The following ZNF536 variants were observed in gnomAD, a reference collection of about 807,000 sequenced individuals.
ZNF536 encodes the protein zinc finger protein 536.
ZNF536 carries 13 observed loss-of-function variants against 84.5 expected under a neutral mutation model. The ratio of observed to expected loss-of-function variants is 0.15; its 90% CI spans 0.10 to 0.24. ZNF536 has a LOEUF of 0.24. Among genes scored for constraint, ZNF536 ranks in the 10% least tolerant of loss-of-function variants. ZNF536 has a pLI of 1.00. For missense variants in ZNF536, 1,536 were observed against 1,747.5 expected (o/e 0.88, Z 2.16); for synonymous variants, 811 against 742.5 (o/e 1.09, Z -1.50).
downstream of ZNF536, among the ~76,000 whole-genome samples, chr19:30,561,431 C>T (rs1407330164): frequency 6.6e-6 from 1 of 152,176 alleles, no homozygotes; most frequent in Non-Finnish European, 1.5e-5. Context: ...GTCGTTAGTC[C>T]TCTCAATCCC....
At chr19:30,539,798 C>A (rs554239016) in intron 3 of ZNF536, among the ~76,000 whole-genome samples, 1 of 152,162 alleles carries the variant, frequency 6.6e-6, no homozygotes, top group Non-Finnish European at 1.5e-5. Context: ...GGAGGCGTGA[C>A]CCCCTGGTGG....
At chr19:30,385,109 C>T (rs1000659261) in intron 1 of ZNF536, among the ~76,000 whole-genome samples, 6 of 152,004 alleles carry the variant, frequency 3.9e-5, no homozygotes, top group Non-Finnish European at 8.8e-5. Flanking sequence ...GTCTAACACC[C>T]GGACTTGATG....
chr19:30,638,265 T>C (rs1223019984), intron 1 of ZNF536, among the ~76,000 whole-genome samples: 1 of 152,234 alleles, frequency 6.6e-6, no homozygotes, highest in Non-Finnish European at 1.5e-5. Flanking sequence ...GGTCTTAACA[T>C]CTCACACTGC....
chr19:30,498,233 A>G (rs939702955), intron 2 of ZNF536, among the ~76,000 whole-genome samples: 3 of 152,266 alleles, frequency 2.0e-5, no homozygotes, highest in African/African-American at 7.2e-5. Flanking sequence ...TGTGGCACAT[A>G]TACAGCATGG....
chr19:30,272,667 A>C (rs1376346321), intron 1 of ZNF536, among the ~76,000 whole-genome samples: 1 of 152,160 alleles, frequency 6.6e-6, no homozygotes, highest in African/African-American at 2.4e-5. Context: ...TTCGTATGAC[A>C]TGTAGTCTTT....
chr19:30,648,209 C>G (rs1246229781), intron 1 of ZNF536, among the ~76,000 whole-genome samples: 2 of 152,166 alleles, frequency 1.3e-5, no homozygotes, highest in African/African-American at 4.8e-5. Context: ...GCTGCAGGTG[C>G]CCTGTCAAGG....
intron 2 of ZNF536, among the ~76,000 whole-genome samples, chr19:30,522,910 G>T (rs2145749473): frequency 6.6e-6 from 1 of 152,272 alleles, no homozygotes; most frequent in African/African-American, 2.4e-5. Context: ...CATCTGGAAG[G>T]GAGTTTGGTG....
rs111232052 is a variant in ZNF536 at position 30,234,744 on chromosome 19, TACACACACACAC to T, written c.-190+6090_-190+6101del. Among the ~76,000 whole-genome samples the T allele has an allele frequency of 3.1e-3, 452 of 147,742 alleles. 4 individuals carry two copies. The highest frequency in any genetic ancestry group is 0.011 in the African/African-American group (425 of 39,870). ...GCTTTTTGTTGCTTTATTACTAAAT[TACACACACACAC>T]ACACACACACACACACACGCGCACA... is the stretch of plus-strand genomic sequence containing the variant. On this transcript the variant is annotated intron_variant, in intron 1 of 5. Transcript: ENST00000585628.
chr19:30,566,300 C>G (rs2046343566), intron 1 of ZNF536, among the ~76,000 whole-genome samples: 1 of 152,168 alleles, frequency 6.6e-6, no homozygotes, highest in Admixed American at 6.5e-5. Flanking sequence ...CAAAATATCT[C>G]CATGCCCAAG....
intron 1 of ZNF536, among the ~76,000 whole-genome samples, chr19:30,279,361 G>A (rs957506384): frequency 3.3e-5 from 5 of 152,170 alleles, no homozygotes; most frequent in African/African-American, 1.2e-4. Flanking sequence ...GGTGGATAAT[G>A]GTTGAGTGAG....
At chr19:30,468,229 C>A (rs141627990) in intron 2 of ZNF536, among the ~76,000 whole-genome samples, 1 of 152,218 alleles carries the variant, frequency 6.6e-6, no homozygotes, top group Non-Finnish European at 1.5e-5. Flanking sequence ...CACTCCCCAA[C>A]CCAGCCTAGG....
chr19:30,346,351 T>C (rs544384802), intron 2 of ZNF536, among the ~76,000 whole-genome samples: 118 of 152,368 alleles, frequency 7.7e-4, no homozygotes, highest in Admixed American at 1.5e-3. Flanking sequence ...TTATAACTTT[T>C]GTTTTAAGTT....
chr19:30,230,642 C>T (rs1418881120), intron 1 of ZNF536, among the ~76,000 whole-genome samples: 1 of 152,168 alleles, frequency 6.6e-6, no homozygotes, highest in Non-Finnish European at 1.5e-5. Flanking sequence ...CCACAGTTGC[C>T]CATAGGGTAC....
chr19:30,351,602 A>G (rs1327661278), intron 2 of ZNF536, among the ~76,000 whole-genome samples: 1 of 152,184 alleles, frequency 6.6e-6, no homozygotes, highest in Non-Finnish European at 1.5e-5. Context: ...TAAGAACAAT[A>G]TCTTGAGTGA....
intron 2 of ZNF536, among the ~76,000 whole-genome samples, chr19:30,312,188 G>A (rs936363139): frequency 6.6e-6 from 1 of 152,216 alleles, no homozygotes; most frequent in Non-Finnish European, 1.5e-5. Context: ...CAGGTGGAGA[G>A]AGGCGGTGCA....
At chr19:30,237,201 A>G (rs934361022) in intron 1 of ZNF536, among the ~76,000 whole-genome samples, 3 of 152,148 alleles carry the variant, frequency 2.0e-5, no homozygotes, top group African/African-American at 4.8e-5. Flanking sequence ...TGAAAATCAC[A>G]CAATTTTTGT....
At chr19:30,501,993 T>C (rs1214159120) in intron 2 of ZNF536, among the ~76,000 whole-genome samples, 2 of 152,184 alleles carry the variant, frequency 1.3e-5, no homozygotes, top group Non-Finnish European at 2.9e-5. Context: ...ATACTGAGTA[T>C]TCTGGCAGGG....
At chr19:30,538,058 T>G (rs2045166153) in intron 3 of ZNF536, among the ~76,000 whole-genome samples, 1 of 152,056 alleles carries the variant, frequency 6.6e-6, no homozygotes, top group African/African-American at 2.4e-5. Context: ...AAGTGTAGAT[T>G]ACACAAGTAA....
chr19:30,235,855 T>C (rs1451356075), intron 1 of ZNF536, among the ~76,000 whole-genome samples: 3 of 152,228 alleles, frequency 2.0e-5, no homozygotes, highest in African/African-American at 7.2e-5. Flanking sequence ...GCCCCCAGTT[T>C]TGGGGTTGTA....
Sources: allele counts gnomAD v4.1 joint callset (sites outside exome capture counted in the v4.1 genomes callset), GRCh38; gene constraint gnomAD v4.1.1; transcripts MANE v1.5; gene names NCBI Gene and HGNC (gene_info 2026-07-23, HGNC 2026-07-21).